The following PTK2 variants were observed in gnomAD, a reference collection of about 807,000 sequenced individuals.
The protein encoded by PTK2 is protein tyrosine kinase 2.
Under a neutral mutation model 150.1 loss-of-function variants are expected in PTK2, and 45 were observed. The observed-to-expected ratio is 0.30, with a 90% confidence interval of 0.24 to 0.38. PTK2 has a LOEUF of 0.38. Ranked by LOEUF, PTK2 falls within the 10% of genes least tolerant of loss-of-function variation. PTK2 has a pLI of 1.00. For synonymous variants in PTK2, 432 were observed against 449.2 expected, an observed-to-expected ratio of 0.96 and a Z score of 0.48; for missense variants, 919 against 1,307.3, an observed-to-expected ratio of 0.70 and a Z score of 4.58.
intron 10 of PTK2, among the ~76,000 whole-genome samples, chr8:140,809,865 C>T (rs999863310): frequency 6.6e-5 from 10 of 152,194 alleles, no homozygotes; most frequent in African/African-American, 2.4e-4. Flanking sequence ...TTTAAAAAGG[C>T]ATCATGTTGT....
intron 1 of PTK2, among the ~76,000 whole-genome samples, chr8:140,951,896 T>TA (rs11389319): frequency 0.92 from 134,726 of 146,026 alleles, 62,834 homozygotes; most frequent in East Asian, 1. Context: ...AAAGAAAAAT[T>TA]AAAAAAAAAA....
In PTK2 at chr8:140,745,026, G is replaced by A. The variant is rs1222430973; in HGVS notation, c.1519-259C>T. ...AACGACAAATTTCTTAAAAAATATA[G>A]AAAGATAAGCTTCAATGGAATGAAC... On this transcript the variant is annotated intron_variant, in intron 18 of 31. Transcript: ENST00000522684. Among the ~76,000 whole-genome samples, 8 of 152,016 alleles carry A rather than the reference G, an allele frequency of 5.3e-5. 1 individual carries two copies. The highest frequency in any genetic ancestry group is 1.0e-4 in the Non-Finnish European group (7 of 68,000).
chr8:140,780,643 C>T (rs1168468952), intron 14 of PTK2, among the ~76,000 whole-genome samples: 2 of 152,198 alleles, frequency 1.3e-5, no homozygotes, highest in Non-Finnish European at 2.9e-5. Flanking sequence ...CAAGCAAATT[C>T]ACAAAGTACT....
intron 10 of PTK2, among the ~76,000 whole-genome samples, chr8:140,815,165 C>T (rs1012629464): frequency 8.0e-5 from 12 of 150,940 alleles, no homozygotes; most frequent in African/African-American, 4.9e-5. Flanking sequence ...AAATGCCCAT[C>T]GATGGTAGAC....
At chr8:140,827,081 G>T (rs1470579509) in intron 8 of PTK2, among the ~76,000 whole-genome samples, 1 of 151,932 alleles carries the variant, frequency 6.6e-6, no homozygotes, top group Admixed American at 6.6e-5. Context: ...GCTCCATGTT[G>T]CTGTCAAATT....
intron 13 of PTK2, among the ~76,000 whole-genome samples, chr8:140,790,986 T>C (rs1052363472): frequency 2.0e-5 from 3 of 152,252 alleles, no homozygotes; most frequent in Non-Finnish European, 2.9e-5. Flanking sequence ...TTTCTCACGA[T>C]AGCTTGGATT....
At chr8:140,910,880 A>AC (rs146243007) in intron 2 of PTK2, among the ~76,000 whole-genome samples, 25,618 of 151,612 alleles carry the variant, frequency 0.17, 2,555 homozygotes, top group East Asian at 0.46. Context: ...CCCACTTCAT[A>AC]ATTATAGGTT....
At chr8:140,867,064 G>A (rs895099363) in intron 4 of PTK2, among the ~76,000 whole-genome samples, 4 of 152,190 alleles carry the variant, frequency 2.6e-5, no homozygotes, top group Admixed American at 2.6e-4. Flanking sequence ...TGTAGCTGGG[G>A]CAGGCTGCAT....
rs1294833577 is a variant in PTK2 at position 140,972,265 on chromosome 8, ATAAT to A, written c.-122+28856_-122+28859del. Among the ~76,000 whole-genome samples, 9 of 152,218 alleles carry A rather than the reference ATAAT, an allele frequency of 5.9e-5. No individual in the cohort carries two copies. In the South Asian group the frequency reaches 1.0e-3, roughly 18 times the overall value. ...TTGTTTTTATTATTTTAATTAATAA[ATAAT>A]TGTTAATTTTTTTTAGATGGAGTCT... On this transcript the variant is annotated intron_variant, in intron 1 of 31. Coordinates refer to ENST00000522684, the Ensembl canonical transcript of PTK2.
chr8:140,772,977 G>C (rs963813545), intron 14 of PTK2, among the ~76,000 whole-genome samples: 3 of 152,170 alleles, frequency 2.0e-5, no homozygotes, highest in Non-Finnish European at 4.4e-5. Context: ...TTGTAAAATG[G>C]GGTTATAACA....
At chr8:140,955,531 T>A (rs1472260508) in intron 1 of PTK2, among the ~76,000 whole-genome samples, 3 of 152,146 alleles carry the variant, frequency 2.0e-5, no homozygotes, top group Non-Finnish European at 4.4e-5. Flanking sequence ...AATACAGACA[T>A]ATTAAAAAGA....
chr8:140,863,372 C>CA (rs962827252), intron 5 of PTK2, among the ~76,000 whole-genome samples: 59 of 147,422 alleles, frequency 4.0e-4, no homozygotes, highest in East Asian at 1.4e-3. Flanking sequence ...AGAGTGGTCT[C>CA]AAAAAAAAAA....
chr8:140,969,459 T>C (rs2100186469), intron 1 of PTK2, among the ~76,000 whole-genome samples: 2 of 152,230 alleles, frequency 1.3e-5, no homozygotes. Flanking sequence ...CTATCCAAGA[T>C]TACCAATGAC....
intron 2 of PTK2, among the ~76,000 whole-genome samples, chr8:140,923,035 A>C (rs1039028801): frequency 4.6e-5 from 7 of 152,202 alleles, no homozygotes; most frequent in African/African-American, 1.7e-4. Flanking sequence ...GAGAGGGATG[A>C]ACCTGGTTTC....
chr8:140,903,293 A>T (rs1207261439), intron 2 of PTK2, among the ~76,000 whole-genome samples: 1 of 151,924 alleles, frequency 6.6e-6, no homozygotes, highest in Admixed American at 6.6e-5. Context: ...ATGGTTGTAG[A>T]TGTATGGCGT....
At chr8:140,995,140 G>A (rs1427154732) in intron 1 of PTK2, among the ~76,000 whole-genome samples, 1 of 151,420 alleles carries the variant, frequency 6.6e-6, no homozygotes, top group African/African-American at 2.4e-5. Flanking sequence ...CAGCACTTTG[G>A]GAGGCCGAGG....
chr8:140,818,175 A>C, intron 10 of PTK2, 102 bp downstream of exon 10: 1 of 1,134,806 alleles, frequency 8.8e-7, no homozygotes, highest in Non-Finnish European at 1.3e-6. Context: ...GCAATAGGAA[A>C]ATTTAATTGT....
intron 23 of PTK2, among the ~76,000 whole-genome samples, chr8:140,714,455 T>TA (rs945836420): frequency 1.1e-4 from 16 of 142,300 alleles, no homozygotes; most frequent in East Asian, 2.0e-4. Flanking sequence ...CATCTTTATT[T>TA]AAAAAAAAAA....
At chr8:140,937,273 A>G (rs2100173978) in intron 1 of PTK2, among the ~76,000 whole-genome samples, 1 of 152,200 alleles carries the variant, frequency 6.6e-6, no homozygotes, top group South Asian at 2.1e-4. Flanking sequence ...TCGTTATTGC[A>G]TACTTTTATA....
Sources: gnomAD v4.1 joint callset for allele counts (sites outside exome capture counted in the v4.1 genomes callset) on GRCh38, gnomAD v4.1.1 for gene constraint, MANE v1.5 for transcripts, NCBI Gene and HGNC (gene_info 2026-07-23, HGNC 2026-07-21) for gene names.